The following CACNA1H variants were observed in gnomAD, a reference collection of about 807,000 sequenced individuals.
CACNA1H encodes the protein voltage-dependent T-type calcium channel subunit alpha-1H.
Under a neutral mutation model 192.5 loss-of-function variants are expected in CACNA1H, and 149 were observed. That is an observed-to-expected ratio of 0.77 (90% confidence interval 0.68 to 0.89). The LOEUF is 0.89. CACNA1H is among the 40% of genes least tolerant of loss of function. The pLI, the probability that CACNA1H is intolerant of heterozygous loss-of-function variation, is 0.00. For missense variants in CACNA1H, 4,257 were observed against 3,423.5 expected, an observed-to-expected ratio of 1.24 and a Z score of -6.08; for synonymous variants, 2,202 against 1,475.2, an observed-to-expected ratio of 1.49 and a Z score of -11.29.
chr16:1,221,121 G>T lies in CACNA1H; in HGVS notation c.*127G>T, dbSNP rs960516137. ...GTCGTGAGCAGAAAGGCCCGGGGAG[G>T]ATGACGGCCCAGGCCCTGGTTCTCT... On this transcript the variant is annotated 3_prime_UTR_variant, in exon 35 of 35. Coordinates refer to ENST00000348261, the MANE Select transcript of CACNA1H (RefSeq NM_021098.3). 7 of 705,864 alleles carry T rather than the reference G, an allele frequency of 9.9e-6. No homozygotes were observed. Among genetic ancestry groups the T allele is most frequent in the Admixed American group, 9.0e-5 (3 of 33,220 alleles). 43.7% of individuals were successfully genotyped at this position (705,864 alleles called of 1,614,324 possible). A position where few individuals can be genotyped will look rare whatever the true frequency, so the allele number is the denominator to read the frequency against.
rs777961380 is a variant in CACNA1H at position 1,206,272 on chromosome 16, C to T, written c.2772C>T (p.Leu924=). The part of the protein sequence containing the change: ...NVATFCTLLM[L]FIFIFSILGM... The stretch of plus-strand genomic sequence containing the variant: ...CTACCTTCTGCACGCTGCTCATGCT[C>T]TTCATTTTCATCTTCAGGTGGGCGC... Residue 924 remains leucine, a synonymous_variant, in exon 12 of 35, where the codon CTC becomes CTT. Transcript: ENST00000348261. 4.5e-6 allele frequency: 7 copies of T among 1,560,756 alleles called. No homozygotes were observed. Among genetic ancestry groups the T allele is most frequent in the South Asian group, 3.5e-5 (3 of 84,584 alleles).
At chr16:1,217,134 T>G in intron 31 of CACNA1H, 124 bp downstream of exon 31, 1 of 770,750 alleles carries the variant, frequency 1.3e-6, no homozygotes, top group Non-Finnish European at 2.1e-6. Flanking sequence ...GCCACACGCC[T>G]CCTGGGCGTC....
chr16:1,211,855 GC>G, intron 24 of CACNA1H, 50 bp downstream of exon 24: 2 of 1,609,784 alleles, frequency 1.2e-6, no homozygotes, highest in Non-Finnish European at 1.7e-6. Flanking sequence ...CCCGCGAGCG[GC>G]TGCCTTGGCC....
rs759273300 is a variant in CACNA1H, at chr16:1,154,020, C to A, written c.283C>A (p.Arg95=). ...QTTRPRSWCL[R]LVCNPWFEHV... ...CACGCGGCCGCGCAGCTGGTGCCTC[C>A]GGCTGGTCTGCAACCCATATCCTTC... The change falls in exon 2 of 35, where the codon CGG becomes AGG. Residue 95 remains arginine, a synonymous_variant. Transcript: ENST00000348261. 7 of 1,294,406 alleles carry A rather than the reference C, an allele frequency of 5.4e-6. No homozygotes were observed. Among genetic ancestry groups the A allele is most frequent in the Admixed American group, 6.2e-5 (2 of 32,066 alleles). The allele number at this position is 1,294,406 out of a possible 1,614,324, so 80.2% of individuals were successfully genotyped here. A position where few individuals can be genotyped will look rare whatever the true frequency, so the allele number is the denominator to read the frequency against.
intron 17 of CACNA1H, 181 bp downstream of exon 17, chr16:1,209,593 TC>T: frequency 1.4e-6 from 1 of 718,012 alleles, no homozygotes; most frequent in Non-Finnish European, 2.2e-6. Flanking sequence ...CCACAGATGA[TC>T]CCAGAGTCCC....
intron 2 of CACNA1H, chr16:1,157,519 G>A (rs1341859173): frequency 6.6e-6 from 1 of 152,228 alleles, no homozygotes; most frequent in Admixed American, 6.5e-5. Context: ...TGCTCCGCGG[G>A]CGTCCCCCGG....
intron 14 of CACNA1H, 149 bp downstream of exon 14, chr16:1,207,579 C>A: frequency 9.4e-7 from 1 of 1,058,924 alleles, no homozygotes; most frequent in Non-Finnish European, 1.4e-6. Context: ...AGGCCAGGAG[C>A]CCAGCGGAGT....
intron 30 of CACNA1H, 83 bp from the exon 31 acceptor site, chr16:1,216,849 G>C (rs1970065836): frequency 9.0e-7 from 1 of 1,106,138 alleles, no homozygotes; most frequent in South Asian, 1.3e-5. Flanking sequence ...GGGTCTGGTG[G>C]CCGAGGCGCC....
At position 1,168,698 on chromosome 16, in the gene CACNA1H, C is replaced by T. The variant is rs538612311; in HGVS notation, c.299+14662C>T. Among the ~76,000 whole-genome samples, 6 of 152,222 alleles carry T rather than the reference C, an allele frequency of 3.9e-5. No individual in the cohort carries two copies. The South Asian group carries it at 6.2e-4, about 16-fold the overall frequency. ...GAGCCTGCTGGGCCCCACTCATTGC[C>T]CTCCAGACCCTTCCAGAGTCCCAGG... On this transcript the variant is annotated intron_variant, in intron 2 of 34. Transcript: ENST00000348261.
Position 1,167,849 on chromosome 16 carries a change from C to T in CACNA1H, c.299+13813C>T, listed in dbSNP as rs1301234587. On this transcript the variant is annotated intron_variant, in intron 2 of 34. Coordinates refer to ENST00000348261, the MANE Select transcript of CACNA1H (RefSeq NM_021098.3). This position sits in a 1 kb window ranked among gnomAD's most constrained non-coding sequence, Gnocchi z 4.2. Reference sequence around the variant, plus strand: ...CTGCGAGGTTGGGGCGTGGCCTGGCCGTCCGTCCGCGGGGCCCGGGCTGCC... The same window carrying T: ...CTGCGAGGTTGGGGCGTGGCCTGGCTGTCCGTCCGCGGGGCCCGGGCTGCC... Among the ~76,000 whole-genome samples, 5 of 152,304 alleles carry T rather than the reference C, an allele frequency of 3.3e-5. No homozygotes were observed. Among genetic ancestry groups the T allele is most frequent in the South Asian group, 2.1e-4 (1 of 4,830 alleles).
Position 1,220,763 on chromosome 16 carries a change from T to G in CACNA1H, c.6831T>G (p.Ser2277Arg), listed in dbSNP as rs772341545. The G allele has an allele frequency of 6.2e-7, 1 of 1,612,334 alleles. No individual in the cohort carries two copies. The highest frequency in any genetic ancestry group is 8.5e-7 in the Non-Finnish European group (1 of 1,179,732). ...AFEPLDLGVP[S>R]GDPFLDGSHS... ...AGCCGCTGGACCTCGGGGTCCCCAG[T>G]GGAGACCCTTTCTTGGACGGTAGCC... Residue 2277 changes from serine (S) to arginine (R), a missense_variant, in exon 35 of 35, where the codon AGT becomes AGG. By Grantham distance (110) the Ser-to-Arg change is moderately radical (BLOSUM62 -1). Transcript: ENST00000348261.
intron 2 of CACNA1H, among the ~76,000 whole-genome samples, chr16:1,165,649 C>T (rs981176678): frequency 9.2e-5 from 14 of 152,204 alleles, no homozygotes; most frequent in African/African-American, 2.4e-4. Flanking sequence ...TGCGTCCCCC[C>T]GAGGCCATTG....
In CACNA1H at chr16:1,207,330, C is replaced by G; in HGVS notation, c.2963C>G (p.Ser988Cys). ...CTGTACAACGGCATGGCCTCCACCT[C>G]CTCCTGGGCCGCCCTCTACTTCGTG... The part of the protein sequence containing the change: ...VVLYNGMAST[S>C]SWAALYFVAL... The change falls in exon 14 of 35, where the codon TCC (serine) becomes TGC (cysteine). Residue 988 changes from serine (S) to cysteine (C), a missense_variant. Transcript: ENST00000348261. 1 of 1,611,428 alleles carries G rather than the reference C, an allele frequency of 6.2e-7. No homozygotes were observed. Among genetic ancestry groups the G allele is most frequent in the Non-Finnish European group, 8.5e-7 (1 of 1,179,062 alleles).
chr16:1,153,353 CCGGGGCCGGGGGCGGAGGCG>C lies in CACNA1H; in HGVS notation c.-134_-115del, dbSNP rs1205870195. ...GGGGCGGAGGCGCTGGGGGCCGGGGCCGGGGCCGGGGGCGGAGGCGCTGGGGGCCGGGGCCGGGGCCGGGC... is the reference window on the plus strand; with the variant it reads ...GGGGCGGAGGCGCTGGGGGCCGGGGCCTGGGGGCCGGGGCCGGGGCCGGGC... On this transcript the variant is annotated 5_prime_UTR_variant, in exon 1 of 35. Coordinates refer to ENST00000348261, the MANE Select transcript of CACNA1H (RefSeq NM_021098.3). 4.0e-5 allele frequency: 4 copies of C among 99,552 alleles called. No homozygotes were observed. Among genetic ancestry groups the C allele is most frequent in the Non-Finnish European group, 9.9e-5 (4 of 40,456 alleles). 6.2% of individuals were successfully genotyped at this position (99,552 alleles called of 1,614,324 possible).
chr16:1,202,232 CGCA>C lies in CACNA1H; in HGVS notation c.1785_1787del (p.Ala596del), dbSNP rs1968031277. ...AGGAGAGGGCCCGGGTGGCACATGC[CGCA>C]GCCACTGCCGCTGCCAGCCTCAGAC... On this transcript the variant is annotated inframe_deletion, in exon 9 of 35. Transcript: ENST00000348261. 7 of 1,557,460 alleles carry C rather than the reference CGCA, an allele frequency of 4.5e-6. No homozygotes were observed. The highest frequency in any genetic ancestry group is 6.1e-6 in the Non-Finnish European group (7 of 1,152,294).
chr16:1,154,255 C>A (rs951562635), intron 2 of CACNA1H, among the ~76,000 whole-genome samples: 3 of 152,056 alleles, frequency 2.0e-5, no homozygotes, highest in African/African-American at 4.8e-5. Context: ...GGACTCCCTT[C>A]CCCAGGGCCG....
intron 2 of CACNA1H, among the ~76,000 whole-genome samples, chr16:1,183,924 G>A (rs568410859): frequency 3.3e-5 from 5 of 152,348 alleles, no homozygotes; most frequent in South Asian, 2.1e-4. Context: ...GTTAATTAAC[G>A]ACAGGTGCCC....
intron 2 of CACNA1H, among the ~76,000 whole-genome samples, chr16:1,160,559 C>T (rs566341567): frequency 5.3e-5 from 8 of 152,260 alleles, no homozygotes; most frequent in East Asian, 1.9e-4. Context: ...CAGATGGGGA[C>T]GGAGTAGCAG....
At chr16:1,182,537 G>A (rs948721079) in intron 2 of CACNA1H, among the ~76,000 whole-genome samples, 1 of 152,116 alleles carries the variant, frequency 6.6e-6, no homozygotes, top group Non-Finnish European at 1.5e-5. Context: ...GCTGCTGCCC[G>A]GGCTCCCCAC....
Sources: gnomAD v4.1 joint callset for allele counts (sites outside exome capture counted in the v4.1 genomes callset) on GRCh38, gnomAD v4.1.1 for gene constraint, Gnocchi (gnomAD v3.1) non-coding constraint, MANE v1.5 for transcripts, NCBI Gene and HGNC (gene_info 2026-07-23, HGNC 2026-07-21) for gene names.